RBFOX1: variants seen among roughly 807,000 people sequenced by gnomAD.
RBFOX1 encodes RNA binding fox-1 homolog 1, also known as RNA binding protein fox-1 homolog 1.
Under a neutral mutation model 57.7 loss-of-function variants are expected in RBFOX1, and 8 were observed. The ratio of observed to expected loss-of-function variants is 0.14; its 90% CI spans 0.08 to 0.25. RBFOX1 has a LOEUF of 0.25. Among genes scored for constraint, RBFOX1 ranks in the 10% least tolerant of loss-of-function variants. The pLI is 1.00. For missense variants in RBFOX1, 611 were observed against 548.5 expected, an observed-to-expected ratio of 1.11 and a Z score of -1.14; for synonymous variants, 326 against 222.4, an observed-to-expected ratio of 1.47 and a Z score of -4.15.
chr16:7,040,978 C>T (rs866984976), intron 3 of RBFOX1, among the ~76,000 whole-genome samples: 2 of 151,224 alleles, frequency 1.3e-5, no homozygotes, highest in African/African-American at 4.9e-5. Flanking sequence ...TGCAATGATG[C>T]AATCTCTGCT....
Position 7,292,306 on chromosome 16 carries a change from T to C in RBFOX1, c.28-225841T>C, listed in dbSNP as rs1351320882. 3.3e-4 allele frequency among the ~76,000 whole-genome samples: 43 copies of C among 128,368 alleles called. 1 individual carries two copies. The highest frequency in any genetic ancestry group is 4.8e-4 in the South Asian group (2 of 4,156). 84.2% of individuals were successfully genotyped at this position (128,368 alleles called of 152,430 possible). ...CATATATCATATATGATATATGATA[T>C]ATGACGTATTATATATCATATATCA... On this transcript the variant is annotated intron_variant, in intron 4 of 15. Transcript: ENST00000550418.
chr16:6,798,226 C>T (rs2084548105), intron 3 of RBFOX1, among the ~76,000 whole-genome samples: 1 of 152,174 alleles, frequency 6.6e-6, no homozygotes, highest in South Asian at 2.1e-4. Context: ...CTAAGAATCA[C>T]TGGGGATACT....
intron 1 of RBFOX1, among the ~76,000 whole-genome samples, chr16:5,319,077 A>C (rs2064323974): frequency 6.6e-6 from 1 of 152,200 alleles, no homozygotes; most frequent in African/African-American, 2.4e-5. Context: ...CGGTGAGCCG[A>C]GATCACGCCA....
intron 11 of RBFOX1, among the ~76,000 whole-genome samples, chr16:7,631,023 GCCAC>G (rs1568186434): frequency 4.3e-4 from 65 of 152,288 alleles, no homozygotes; most frequent in African/African-American, 1.5e-3. Context: ...GCATATACAG[GCCAC>G]CCCAAAGGCA....
At chr16:7,637,110 C>G (rs1453923624) in intron 11 of RBFOX1, among the ~76,000 whole-genome samples, 1 of 152,090 alleles carries the variant, frequency 6.6e-6, no homozygotes, top group Non-Finnish European at 1.5e-5. Flanking sequence ...GAAGAAATTT[C>G]TTTATTGTTC....
chr16:5,282,955 G>T (rs2063307831), intron 1 of RBFOX1, among the ~76,000 whole-genome samples: 1 of 152,152 alleles, frequency 6.6e-6, no homozygotes, highest in Non-Finnish European at 1.5e-5. Context: ...ACCCATCAAA[G>T]GCCCAGAGGC....
intron 4 of RBFOX1, among the ~76,000 whole-genome samples, chr16:7,371,295 T>C (rs886985980): frequency 5.3e-5 from 8 of 152,204 alleles, no homozygotes; most frequent in African/African-American, 1.7e-4. Flanking sequence ...CAGTAAACTT[T>C]TTTTTCTGCT....
intron 7 of RBFOX1, among the ~76,000 whole-genome samples, chr16:7,591,664 T>G (rs2094448348): frequency 6.6e-6 from 1 of 152,156 alleles, no homozygotes; most frequent in Non-Finnish European, 1.5e-5. Context: ...TCTGGGAAGG[T>G]GTGTCTCTGA....
At chr16:5,285,250 G>C (rs1222215918) in intron 1 of RBFOX1, among the ~76,000 whole-genome samples, 4 of 152,126 alleles carry the variant, frequency 2.6e-5, no homozygotes, top group Non-Finnish European at 5.9e-5. Flanking sequence ...AAAGCTGTCA[G>C]TTATCTTTTG....
intron 4 of RBFOX1, among the ~76,000 whole-genome samples, chr16:7,214,245 A>G (rs116743938): frequency 0.01 from 1,565 of 152,226 alleles, 22 homozygotes; most frequent in African/African-American, 0.036. Context: ...TTTTTTCTCA[A>G]AAGACTTCTG....
chr16:5,748,229 G>C (rs1234451981), intron 3 of RBFOX1, among the ~76,000 whole-genome samples: 2 of 152,038 alleles, frequency 1.3e-5, no homozygotes, highest in African/African-American at 2.4e-5. Context: ...ATTGCACTGT[G>C]GTCTGAGAGA....
At chr16:6,688,776 C>T (rs1246674021) in intron 3 of RBFOX1, among the ~76,000 whole-genome samples, 1 of 152,088 alleles carries the variant, frequency 6.6e-6, no homozygotes, top group African/African-American at 2.4e-5. Flanking sequence ...CTCCTAATGC[C>T]ATCCTTCCCT....
chr16:6,428,285 C>CAAAA (rs755273285), intron 2 of RBFOX1, among the ~76,000 whole-genome samples: 6 of 51,210 alleles, frequency 1.2e-4, no homozygotes, highest in Non-Finnish European at 1.6e-4. Context: ...GACCTTGTCT[C>CAAAA]AAAAAAAAAA....
chr16:5,689,006 A>T (rs1221269270), intron 3 of RBFOX1, among the ~76,000 whole-genome samples: 1 of 152,202 alleles, frequency 6.6e-6, no homozygotes, highest in Non-Finnish European at 1.5e-5. Context: ...TCTTGGTTAA[A>T]AAAAGAAACA....
intron 3 of RBFOX1, among the ~76,000 whole-genome samples, chr16:6,739,365 G>C (rs12444322): frequency 0.097 from 14,724 of 152,004 alleles, 954 homozygotes; most frequent in African/African-American, 0.17. Context: ...ACTCATTTGA[G>C]AGCTTAAACC....
chr16:6,642,848 C>T (rs1415937955), intron 2 of RBFOX1, among the ~76,000 whole-genome samples: 1 of 152,098 alleles, frequency 6.6e-6, no homozygotes, highest in South Asian at 2.1e-4. Context: ...AAGTCAGCAG[C>T]TCTGCCCTGC....
chr16:6,990,984 A>G (rs12596684), intron 3 of RBFOX1, among the ~76,000 whole-genome samples: 17,601 of 151,948 alleles, frequency 0.12, 1,593 homozygotes, highest in East Asian at 0.27. Context: ...CTGTGTCCAG[A>G]TATTCTAATT....
At chr16:7,162,296 C>G (rs919667238) in intron 4 of RBFOX1, among the ~76,000 whole-genome samples, 2 of 152,136 alleles carry the variant, frequency 1.3e-5, no homozygotes, top group Admixed American at 1.3e-4. Context: ...TATATGTATA[C>G]ACACATACAT....
At chr16:6,990,941 C>G (rs532967996) in intron 3 of RBFOX1, among the ~76,000 whole-genome samples, 23 of 152,084 alleles carry the variant, frequency 1.5e-4, no homozygotes, top group Middle Eastern at 6.8e-3. Context: ...ATGAGAACCA[C>G]CACATTGTTC....
Sources: allele counts gnomAD v4.1 joint callset (sites outside exome capture counted in the v4.1 genomes callset), GRCh38; gene constraint gnomAD v4.1.1; transcripts MANE v1.5; gene names NCBI Gene and HGNC (gene_info 2026-07-23, HGNC 2026-07-21).